MSI2: variants seen among roughly 807,000 people sequenced by gnomAD.
The protein encoded by MSI2 is musashi RNA binding protein 2.
MSI2 carries 17 observed loss-of-function variants against 45.6 expected under a neutral mutation model. That is an observed-to-expected ratio of 0.37 (90% CI 0.26 to 0.56). The LOEUF (loss-of-function observed/expected upper bound fraction) is 0.56. Ranked by LOEUF, MSI2 falls within the 20% of genes least tolerant of loss-of-function variation. MSI2 has a pLI of 0.77. For missense variants in MSI2, 293 were observed against 444.2 expected (o/e 0.66, Z 3.06); for synonymous variants, 156 against 158.2 (o/e 0.99, Z 0.11).
intron 9 of MSI2, 23 bp downstream of exon 9, chr17:57,616,107 G>A (rs753757677): frequency 1.3e-6 from 2 of 1,597,836 alleles, no homozygotes; most frequent in South Asian, 2.2e-5. Context: ...AGGACCGCAG[G>A]TCACCATGGA....
intron 7 of MSI2, among the ~76,000 whole-genome samples, chr17:57,548,090 G>T (rs2087212981): frequency 6.6e-6 from 1 of 152,172 alleles, no homozygotes; most frequent in South Asian, 2.1e-4. Context: ...ACGCTCTTTA[G>T]TACGCATCGT....
chr17:57,607,853 C>T (rs767789737), intron 8 of MSI2, among the ~76,000 whole-genome samples: 2 of 152,030 alleles, frequency 1.3e-5, no homozygotes, highest in South Asian at 2.1e-4. Context: ...TGCAAGCAAG[C>T]GAGAGAGTGC....
At chr17:57,641,354 G>T (rs917104804) in intron 10 of MSI2, among the ~76,000 whole-genome samples, 1 of 152,192 alleles carries the variant, frequency 6.6e-6, no homozygotes, top group African/African-American at 2.4e-5. Context: ...CCACTGGACT[G>T]GGGTCTAGGA....
At chr17:57,450,254 T>C (rs75875422) in intron 6 of MSI2, 34 of 98,762 alleles carry the variant, frequency 3.4e-4, no homozygotes, top group African/African-American at 1.9e-3. Context: ...ATTCCCCAGC[T>C]TAAAGAAAGA....
At chr17:57,433,303 A>G (rs1171528612) in intron 6 of MSI2, among the ~76,000 whole-genome samples, 5 of 152,188 alleles carry the variant, frequency 3.3e-5, no homozygotes, top group Admixed American at 3.3e-4. Flanking sequence ...TAATTAGGTA[A>G]CATGCTGTTG....
chr17:57,279,151 A>G (rs1265316963), intron 5 of MSI2: 1 of 152,258 alleles, frequency 6.6e-6, no homozygotes, highest in Non-Finnish European at 1.5e-5. Context: ...GCATATGGAC[A>G]CACATGAGGT....
At chr17:57,579,726 C>T (rs925901116) in intron 7 of MSI2, among the ~76,000 whole-genome samples, 1 of 152,164 alleles carries the variant, frequency 6.6e-6, no homozygotes, top group African/African-American at 2.4e-5. Flanking sequence ...TGAGAATGGT[C>T]CTCTAGAGAG....
chr17:57,285,035 G>A (rs1909749615), intron 5 of MSI2, among the ~76,000 whole-genome samples: 2 of 152,046 alleles, frequency 1.3e-5, no homozygotes, highest in South Asian at 4.2e-4. Context: ...GAGGATAGGG[G>A]AGGTTTTTCT....
At chr17:57,291,023 G>A (rs909186075) in intron 5 of MSI2, among the ~76,000 whole-genome samples, 2 of 152,202 alleles carry the variant, frequency 1.3e-5, no homozygotes, top group African/African-American at 2.4e-5. Context: ...CGTTAGGACT[G>A]GGGGCAGCAG....
chr17:57,290,434 C>T (rs746478219), intron 5 of MSI2, among the ~76,000 whole-genome samples: 2 of 152,184 alleles, frequency 1.3e-5, no homozygotes, highest in African/African-American at 4.8e-5. Context: ...CTCAGCCTCC[C>T]AAGTATTGGC....
intron 5 of MSI2, among the ~76,000 whole-genome samples, chr17:57,287,136 T>G (rs1025909068): frequency 2.6e-5 from 4 of 151,724 alleles, no homozygotes; most frequent in African/African-American, 9.7e-5. Flanking sequence ...AAGTTGTTTT[T>G]TTTTTTTTTT....
At chr17:57,671,760 A>G (rs1321490513) in intron 11 of MSI2, among the ~76,000 whole-genome samples, 1 of 152,234 alleles carries the variant, frequency 6.6e-6, no homozygotes, top group Non-Finnish European at 1.5e-5. Context: ...CCACTGTCAG[A>G]CAGCAGGAAC....
At chr17:57,420,304 GA>G (rs952688322) in intron 6 of MSI2, among the ~76,000 whole-genome samples, 1 of 152,212 alleles carries the variant, frequency 6.6e-6, no homozygotes, top group Non-Finnish European at 1.5e-5. Context: ...GGGGCAGTCT[GA>G]AAAATGAATT....
rs571385748 is a variant in MSI2, at chr17:57,644,214, G to GTTTT, written c.728-7869_728-7866dup. Among the ~76,000 whole-genome samples the GTTTT allele has an allele frequency of 3.4e-5, 3 of 87,442 alleles. 1 individual carries two copies. Among genetic ancestry groups the GTTTT allele is most frequent in the Admixed American group, 2.3e-4 (2 of 8,728 alleles). The allele number at this position is 87,442 out of a possible 152,430, so 57.4% of individuals were successfully genotyped here. A position where few individuals can be genotyped will look rare whatever the true frequency, so the allele number is the denominator to read the frequency against. On this transcript the variant is annotated intron_variant, in intron 10 of 13. Coordinates refer to ENST00000284073, the MANE Select transcript of MSI2 (RefSeq NM_138962.4). ...AATGCCAAGGACGCCAGGGTAAGTT[G>GTTTT]TTTTTTTTTTTTTTTTTTTCAAATG... is the stretch of plus-strand genomic sequence containing the variant.
At chr17:57,597,013 T>G in intron 8 of MSI2, 63 bp downstream of exon 8, 3 of 1,224,504 alleles carry the variant, frequency 2.4e-6, no homozygotes, top group Non-Finnish European at 3.6e-6. Flanking sequence ...CACCCAGTCT[T>G]GCAGACTGGT....
rs1913573743 is a variant in MSI2, at chr17:57,681,165, A to G, written c.*1648A>G. ...AAAACTGACAGTTTCCTCTTTGCAC[A>G]TGTTTAACATTTGGCTGTTATAATA... is the stretch of plus-strand genomic sequence containing the variant. On this transcript the variant is annotated 3_prime_UTR_variant, in exon 14 of 14. Transcript: ENST00000284073. 1 of 185,932 alleles carries G rather than the reference A, an allele frequency of 5.4e-6. No individual in the cohort carries two copies. The highest frequency in any genetic ancestry group is 6.2e-5 in the Admixed American group (1 of 16,114). 11.5% of individuals were successfully genotyped at this position (185,932 alleles called of 1,614,324 possible). A position where few individuals can be genotyped will look rare whatever the true frequency, so the allele number is the denominator to read the frequency against.
chr17:57,472,955 T>C (rs2430503), intron 6 of MSI2, among the ~76,000 whole-genome samples: 117,371 of 151,114 alleles, frequency 0.78, 46,039 homozygotes, highest in East Asian at 0.91. Context: ...TGCAATGGTG[T>C]CATCTCGGCT....
At chr17:57,456,602 A>G (rs972367521) in intron 6 of MSI2, among the ~76,000 whole-genome samples, 2 of 151,644 alleles carry the variant, frequency 1.3e-5, no homozygotes, top group African/African-American at 4.8e-5. Flanking sequence ...CCATCTCCAA[A>G]AAAAAAAAAG....
rs55953416 is a variant in MSI2, at chr17:57,295,872, G to T, written c.312+33680G>T. Among the ~76,000 whole-genome samples the T allele has an allele frequency of 2.2e-3, 330 of 152,262 alleles. 1 individual carries two copies. The highest frequency in any genetic ancestry group is 7.6e-3 in the African/African-American group (314 of 41,550). ...GCTCCCGTCACAAATCTTTGCTTGG[G>T]GGAGAGGAGGAAGGAATTCCATAGA... On this transcript the variant is annotated intron_variant, in intron 5 of 13. Transcript: ENST00000284073.
Sources: gnomAD v4.1 joint callset for allele counts (sites outside exome capture counted in the v4.1 genomes callset) on GRCh38, gnomAD v4.1.1 for gene constraint, MANE v1.5 for transcripts, NCBI Gene and HGNC (gene_info 2026-07-23, HGNC 2026-07-21) for gene names.